The following BMP2K variants were observed in gnomAD, a reference collection of about 807,000 sequenced individuals.
BMP2K encodes BMP2 inducible kinase.
BMP2K carries 74 observed loss-of-function variants against 116.0 expected under a neutral mutation model. The observed-to-expected ratio is 0.64, with a 90% CI of 0.53 to 0.77. The LOEUF (loss-of-function observed/expected upper bound fraction) is 0.77. Ranked by LOEUF, BMP2K falls within the 30% of genes least tolerant of loss-of-function variation. The pLI is 0.00. For synonymous variants in BMP2K, 486 were observed against 502.5 expected (o/e 0.97, Z 0.44); for missense variants, 1,365 against 1,403.6 (o/e 0.97, Z 0.44).
At chr4:78,819,669 T>C (rs1023747951) in intron 1 of BMP2K, among the ~76,000 whole-genome samples, 1 of 152,224 alleles carries the variant, frequency 6.6e-6, no homozygotes, top group Non-Finnish European at 1.5e-5. Context: ...GTATTCACTT[T>C]TATGTCTGAC....
At chr4:78,845,270 T>C (rs532680263) in intron 5 of BMP2K, among the ~76,000 whole-genome samples, 1 of 151,802 alleles carries the variant, frequency 6.6e-6, no homozygotes, top group Non-Finnish European at 1.5e-5. Flanking sequence ...AACAGATTTG[T>C]AAAATTTGTT....
At chr4:78,900,202 T>G (rs1222932621) in intron 15 of BMP2K, among the ~76,000 whole-genome samples, 1 of 152,242 alleles carries the variant, frequency 6.6e-6, no homozygotes, top group Non-Finnish European at 1.5e-5. Flanking sequence ...AAATATCTTA[T>G]TGACATTTTG....
At chr4:78,871,972 T>G (rs1359488495) in intron 12 of BMP2K, 24 bp downstream of exon 12, 1 of 1,484,486 alleles carries the variant, frequency 6.7e-7, no homozygotes, top group Non-Finnish European at 9.3e-7. Flanking sequence ...TTTCTAGAGA[T>G]TTCTCTGAGT....
intron 10 of BMP2K, among the ~76,000 whole-genome samples, chr4:78,867,525 T>C (rs1044149209): frequency 2.0e-5 from 3 of 152,108 alleles, no homozygotes; most frequent in South Asian, 2.1e-4. Context: ...TTCCGCTTTT[T>C]CCCCCAATAA....
chr4:78,851,380 T>C (rs971026571), intron 7 of BMP2K, among the ~76,000 whole-genome samples: 7 of 152,084 alleles, frequency 4.6e-5, no homozygotes, highest in Non-Finnish European at 8.8e-5. Flanking sequence ...CTTTAAGATT[T>C]TTTTCTTCCA....
chr4:78,779,525 G>C (rs539810605), intron 1 of BMP2K, among the ~76,000 whole-genome samples: 8 of 152,288 alleles, frequency 5.3e-5, no homozygotes, highest in African/African-American at 1.9e-4. Flanking sequence ...GCTGAAACTA[G>C]AATGTGCACG....
chr4:78,799,985 G>A (rs2109953145), intron 1 of BMP2K, among the ~76,000 whole-genome samples: 1 of 152,272 alleles, frequency 6.6e-6, no homozygotes, highest in East Asian at 1.9e-4. Context: ...CGGTGAGCAG[G>A]ATATGCCGTA....
intron 1 of BMP2K, among the ~76,000 whole-genome samples, chr4:78,788,547 T>G (rs1047157323): frequency 6.6e-6 from 1 of 152,122 alleles, no homozygotes; most frequent in Non-Finnish European, 1.5e-5. Context: ...TTTAGCAAAA[T>G]GTTTATGCAA....
chr4:78,852,328 T>C (rs1731294739), intron 7 of BMP2K, among the ~76,000 whole-genome samples: 1 of 152,156 alleles, frequency 6.6e-6, no homozygotes, highest in South Asian at 2.1e-4. Context: ...GTTTTTATCA[T>C]TGCTAGTATA....
rs1331004854 is a variant in BMP2K, at chr4:78,824,459, AT to A, written c.179-1575del. Among the ~76,000 whole-genome samples, 3 of 152,188 alleles carry A rather than the reference AT, an allele frequency of 2.0e-5. No individual in the cohort carries two copies. The South Asian group carries it at 6.2e-4, about 32-fold the overall frequency. On this transcript the variant is annotated intron_variant, in intron 1 of 15. Coordinates refer to ENST00000502613, the MANE Select transcript of BMP2K (RefSeq NM_198892.2). ...AGAGAGCTTATGCAGGGCAAATCCC[AT>A]TTATAAAACCATTAGATCTTGTGAG...
At chr4:78,821,610 C>T (rs998480514) in intron 1 of BMP2K, among the ~76,000 whole-genome samples, 1 of 152,030 alleles carries the variant, frequency 6.6e-6, no homozygotes, top group African/African-American at 2.4e-5. Flanking sequence ...TGCATAGGGG[C>T]GAGTGTTGGC....
chr4:78,817,273 A>G (rs1348260031), intron 1 of BMP2K, among the ~76,000 whole-genome samples: 1 of 152,090 alleles, frequency 6.6e-6, no homozygotes, highest in Non-Finnish European at 1.5e-5. Flanking sequence ...GTTAGCACAG[A>G]CTCCACAGGT....
intron 1 of BMP2K, among the ~76,000 whole-genome samples, chr4:78,783,961 T>C (rs1727621445): frequency 6.6e-6 from 1 of 152,212 alleles, no homozygotes; most frequent in Non-Finnish European, 1.5e-5. Flanking sequence ...GTCTTCGATA[T>C]TTTAAAAATA....
At chr4:78,778,726 A>C (rs896487238) in intron 1 of BMP2K, among the ~76,000 whole-genome samples, 2 of 152,228 alleles carry the variant, frequency 1.3e-5, no homozygotes, top group African/African-American at 2.4e-5. Context: ...TAGTGCCACA[A>C]TTTAGACAAG....
intron 13 of BMP2K, among the ~76,000 whole-genome samples, chr4:78,878,346 TAAC>T (rs1187247059): frequency 2.0e-5 from 3 of 152,180 alleles, no homozygotes; most frequent in African/African-American, 7.2e-5. Flanking sequence ...ACTATGATAA[TAAC>T]AGTTAATATT....
intron 13 of BMP2K, among the ~76,000 whole-genome samples, chr4:78,875,525 A>G (rs2110064137): frequency 6.6e-6 from 1 of 152,326 alleles, no homozygotes; most frequent in South Asian, 2.1e-4. Flanking sequence ...TTATGATATA[A>G]TTGCCCTGTT....
intron 1 of BMP2K, among the ~76,000 whole-genome samples, chr4:78,819,601 A>G (rs1180659903): frequency 1.3e-5 from 2 of 152,176 alleles, no homozygotes; most frequent in Non-Finnish European, 2.9e-5. Flanking sequence ...ATGTATAAGG[A>G]AACTGGGGCT....
chr4:78,809,881 G>C (rs569924883), intron 1 of BMP2K, among the ~76,000 whole-genome samples: 1 of 152,142 alleles, frequency 6.6e-6, no homozygotes, highest in South Asian at 2.1e-4. Context: ...CTGTTGACTT[G>C]CTTTCTCTCT....
chr4:78,822,889 T>C (rs558408552), intron 1 of BMP2K, among the ~76,000 whole-genome samples: 1 of 152,284 alleles, frequency 6.6e-6, no homozygotes, highest in African/African-American at 2.4e-5. Flanking sequence ...TGATAAGCTA[T>C]AGATTGGTGG....
Sources: gnomAD v4.1 joint callset for allele counts (sites outside exome capture counted in the v4.1 genomes callset) on GRCh38, gnomAD v4.1.1 for gene constraint, MANE v1.5 for transcripts, NCBI Gene and HGNC (gene_info 2026-07-23, HGNC 2026-07-21) for gene names.